CORIN: variants seen among roughly 807,000 people sequenced by gnomAD.
CORIN encodes atrial natriuretic peptide-converting enzyme.
Under a neutral mutation model 125.3 loss-of-function variants are expected in CORIN, and 117 were observed. That is an observed-to-expected ratio of 0.93 (90% confidence interval 0.80 to 1.09). The LOEUF is 1.09. CORIN is among the 50% of genes least tolerant of loss of function. CORIN has a pLI of 0.00. For missense variants in CORIN, 1,253 were observed against 1,306.7 expected (o/e 0.96, Z 0.63); for synonymous variants, 450 against 466.4 (o/e 0.96, Z 0.45).
chr4:47,724,813 T>G (rs994073884), intron 5 of CORIN, among the ~76,000 whole-genome samples: 4 of 152,204 alleles, frequency 2.6e-5, no homozygotes, highest in Non-Finnish European at 5.9e-5. Flanking sequence ...ATTACCTGAT[T>G]AGGTCTACTG....
chr4:47,630,635 G>T (rs915586372), intron 16 of CORIN, among the ~76,000 whole-genome samples: 1 of 152,158 alleles, frequency 6.6e-6, no homozygotes, highest in African/African-American at 2.4e-5. Flanking sequence ...ATTGCCATTT[G>T]TCTACATATT....
At chr4:47,623,104 A>C (rs377733876) in intron 19 of CORIN, among the ~76,000 whole-genome samples, 98 of 114,374 alleles carry the variant, frequency 8.6e-4, no homozygotes, top group Middle Eastern at 8.6e-3. Context: ...CTCTATATAT[A>C]TATATATATA....
chr4:47,693,662 G>A (rs1725865829), intron 5 of CORIN, among the ~76,000 whole-genome samples: 1 of 152,140 alleles, frequency 6.6e-6, no homozygotes, highest in African/African-American at 2.4e-5. Flanking sequence ...TTTGGCATAA[G>A]GAACGGGAAA....
intron 19 of CORIN, among the ~76,000 whole-genome samples, chr4:47,609,774 G>C (rs2109524342): frequency 6.6e-6 from 1 of 152,146 alleles, no homozygotes; most frequent in South Asian, 2.1e-4. Flanking sequence ...ACCCCCAACA[G>C]GCCTCAGTGT....
chr4:47,648,944 C>A (rs182841221), intron 13 of CORIN, among the ~76,000 whole-genome samples: 1 of 152,302 alleles, frequency 6.6e-6, no homozygotes, highest in African/African-American at 2.4e-5. Flanking sequence ...GGATCCTGGA[C>A]AACAAAGCCC....
intron 1 of CORIN, chr4:47,837,634 C>A: frequency 1.7e-6 from 1 of 596,540 alleles, no homozygotes; most frequent in South Asian, 2.0e-5. Context: ...TGAAGGAAAC[C>A]CTGCCCATGA....
chr4:47,824,420 C>T (rs1394204071), intron 1 of CORIN, among the ~76,000 whole-genome samples: 1 of 152,078 alleles, frequency 6.6e-6, no homozygotes, highest in Admixed American at 6.5e-5. Flanking sequence ...CAGGTGAGAT[C>T]TTGCAGGTCC....
chr4:47,720,737 T>A (rs1272105537), intron 5 of CORIN, among the ~76,000 whole-genome samples: 1 of 152,208 alleles, frequency 6.6e-6, no homozygotes, highest in African/African-American at 2.4e-5. Flanking sequence ...AAATAAGTAG[T>A]TTTGCATACA....
At chr4:47,629,129 A>G (rs1000996425) in intron 16 of CORIN, among the ~76,000 whole-genome samples, 1 of 152,154 alleles carries the variant, frequency 6.6e-6, no homozygotes, top group Non-Finnish European at 1.5e-5. Flanking sequence ...ACTGTTTTTC[A>G]TAAGTACTGT....
intron 1 of CORIN, among the ~76,000 whole-genome samples, chr4:47,836,077 T>C (rs1487314818): frequency 1.3e-5 from 2 of 152,160 alleles, no homozygotes; most frequent in Non-Finnish European, 1.5e-5. Flanking sequence ...AACCCCAAAA[T>C]AGTTCATCCT....
chr4:47,775,269 A>G (rs28671484), intron 3 of CORIN, among the ~76,000 whole-genome samples: 9,124 of 151,878 alleles, frequency 0.06, 847 homozygotes, highest in African/African-American at 0.21. Context: ...TGCACAACGT[A>G]CAGGTTTTTT....
At chr4:47,712,429 T>C (rs2109779853) in intron 5 of CORIN, among the ~76,000 whole-genome samples, 1 of 152,268 alleles carries the variant, frequency 6.6e-6, no homozygotes, top group East Asian at 1.9e-4. Context: ...ACTACAGGTG[T>C]GCATCACCAT....
chr4:47,797,239 T>C, intron 2 of CORIN, among the ~76,000 whole-genome samples: 1 of 148,382 alleles, frequency 6.7e-6, no homozygotes, highest in African/African-American at 2.4e-5. Flanking sequence ...TTATAATACA[T>C]AATATTGTGA....
rs755053631 is a variant in CORIN, at chr4:47,677,932, A to G, written c.1249+6T>C. On this transcript the variant is annotated splice_donor_region_variant and intron_variant, in intron 9 of 21. Transcript: ENST00000273857. ...GGAATGTTCTGGGGTGGTGGGACAC[A>G]CTTACTGACGCTGCAGTTCTCCTCA... The G allele has an allele frequency of 1.3e-6, 2 of 1,597,456 alleles. No homozygotes were observed. Among genetic ancestry groups the G allele is most frequent in the East Asian group, 2.2e-5 (1 of 44,770 alleles).
intron 5 of CORIN, among the ~76,000 whole-genome samples, chr4:47,693,516 G>T (rs755834688): frequency 6.6e-6 from 1 of 152,136 alleles, no homozygotes; most frequent in Non-Finnish European, 1.5e-5. Context: ...GTACCACAGA[G>T]AAAGTTCCAG....
intron 1 of CORIN, among the ~76,000 whole-genome samples, chr4:47,823,350 C>G (rs1732604113): frequency 6.6e-6 from 1 of 152,132 alleles, no homozygotes; most frequent in African/African-American, 2.4e-5. Flanking sequence ...AGCCTTGCAT[C>G]ACCCTTGGAA....
intron 16 of CORIN, among the ~76,000 whole-genome samples, chr4:47,633,081 C>T (rs1722905354): frequency 1.3e-5 from 2 of 152,070 alleles, no homozygotes; most frequent in Non-Finnish European, 2.9e-5. Context: ...TGCGCCCAGC[C>T]TATAATTTTA....
At chr4:47,658,424 AG>A (rs1323648912) in intron 12 of CORIN, among the ~76,000 whole-genome samples, 2 of 152,248 alleles carry the variant, frequency 1.3e-5, no homozygotes, top group African/African-American at 4.8e-5. Flanking sequence ...GCAAGCTGCC[AG>A]TGGATCTACC....
Position 47,809,560 on chromosome 4 carries a change from A to G in CORIN, c.64-2513T>C, listed in dbSNP as rs532154226. On this transcript the variant is annotated intron_variant, in intron 1 of 21. Transcript: ENST00000273857. ...GCTGAGATTATAGGCACACACCACCACTCCCGGCTAATTTTTTGTGCATTT... is the reference window on the plus strand; with the variant it reads ...GCTGAGATTATAGGCACACACCACCGCTCCCGGCTAATTTTTTGTGCATTT... 4.0e-5 allele frequency among the ~76,000 whole-genome samples: 6 copies of G among 150,898 alleles called. No individual in the cohort carries two copies. In the South Asian group the frequency reaches 1.1e-3, roughly 26 times the overall value.
Sources: gnomAD v4.1 joint callset for allele counts (sites outside exome capture counted in the v4.1 genomes callset) on GRCh38, gnomAD v4.1.1 for gene constraint, MANE v1.5 for transcripts, NCBI Gene and HGNC (gene_info 2026-07-23, HGNC 2026-07-21) for gene names.